PDE4D: variants seen among roughly 807,000 people sequenced by gnomAD.
PDE4D encodes 3',5'-cyclic-AMP phosphodiesterase 4D.
In PDE4D, 24 loss-of-function variants were observed where a neutral mutation model predicts 87.4. The observed-to-expected ratio is 0.27, with a 90% CI of 0.20 to 0.39. The LOEUF is 0.39. PDE4D is among the 10% of genes least tolerant of loss of function. The pLI is 1.00. For missense variants in PDE4D, 714 were observed against 1,041.0 expected, an observed-to-expected ratio of 0.69 and a Z score of 4.32; for synonymous variants, 384 against 383.2, an observed-to-expected ratio of 1.00 and a Z score of -0.02.
chr5:59,197,324 T>C (rs1223767283), intron 2 of PDE4D, among the ~76,000 whole-genome samples: 2 of 152,170 alleles, frequency 1.3e-5, no homozygotes, highest in Non-Finnish European at 2.9e-5. Flanking sequence ...TAAAGACAGT[T>C]ATCATTTTAG....
At chr5:59,562,708 A>T (rs765246588) in intron 1 of PDE4D, among the ~76,000 whole-genome samples, 1 of 152,228 alleles carries the variant, frequency 6.6e-6, no homozygotes, top group Non-Finnish European at 1.5e-5. Flanking sequence ...AATTCCTTAG[A>T]GTTTGTTTTT....
In PDE4D at chr5:60,049,689, G is replaced by A. The variant is rs140974941; in HGVS notation, c.43-60972C>T. On this transcript the variant is annotated intron_variant, in intron 2 of 16. Coordinates refer to the PDE4D transcript ENST00000502484. ...CAGTTAGGCTGCTCAGGGGTCAGGG[G>A]TCAGGGACCCATCTGAGGAGGCAGT... is the stretch of plus-strand genomic sequence containing the variant. Among the ~76,000 whole-genome samples, 30 of 152,334 alleles carry A rather than the reference G, an allele frequency of 2.0e-4. 1 individual carries two copies. In the South Asian group the frequency reaches 5.8e-3, roughly 29 times the overall value.
intron 1 of PDE4D, among the ~76,000 whole-genome samples, chr5:59,250,455 T>C (rs773052071): frequency 2.7e-5 from 4 of 147,938 alleles, no homozygotes; most frequent in Non-Finnish European, 5.9e-5. Context: ...ATTGAGCTAC[T>C]GCACTCCAGC....
At chr5:60,474,273 T>C (rs901795970) in intron 1 of PDE4D, among the ~76,000 whole-genome samples, 3 of 151,170 alleles carry the variant, frequency 2.0e-5, no homozygotes, top group African/African-American at 7.3e-5. Context: ...TCATACCTTA[T>C]AGACAGCACC....
At chr5:60,403,505 A>G (rs573662241) in intron 1 of PDE4D, among the ~76,000 whole-genome samples, 1 of 152,320 alleles carries the variant, frequency 6.6e-6, no homozygotes, top group African/African-American at 2.4e-5. Flanking sequence ...TTCAGTAGGG[A>G]CAGAAAAGAT....
rs185234174 is a variant in PDE4D at position 60,244,166 on chromosome 5, A to G, written c.-89-58479T>C. ...GCATTTCTAAATGCCAAGAGTGAACAATCTGAAAAAGAAATCAAGAAAGTA... is the reference window on the plus strand; with the variant it reads ...GCATTTCTAAATGCCAAGAGTGAACGATCTGAAAAAGAAATCAAGAAAGTA... On this transcript the variant is annotated intron_variant, in intron 1 of 16. Transcript: ENST00000502484. 6.2e-3 allele frequency among the ~76,000 whole-genome samples: 942 copies of G among 152,134 alleles called. 10 individuals are homozygous for G. Among genetic ancestry groups the G allele is most frequent in the African/African-American group, 0.022 (908 of 41,554 alleles).
intron 5 of PDE4D, among the ~76,000 whole-genome samples, chr5:59,092,605 A>G (rs1192429302): frequency 1.3e-5 from 2 of 152,188 alleles, no homozygotes; most frequent in Non-Finnish European, 2.9e-5. Context: ...AATTTGTAGG[A>G]GGCAAGATAG....
At chr5:59,473,507 A>G (rs1802803045) in intron 1 of PDE4D, among the ~76,000 whole-genome samples, 1 of 152,072 alleles carries the variant, frequency 6.6e-6, no homozygotes, top group South Asian at 2.1e-4. Flanking sequence ...ATAAAAAATG[A>G]TCAGGAAGAT....
At chr5:60,446,996 A>C (rs568335523) in intron 1 of PDE4D, among the ~76,000 whole-genome samples, 2 of 152,264 alleles carry the variant, frequency 1.3e-5, no homozygotes, top group Admixed American at 1.3e-4. Context: ...AATGATAAAG[A>C]TTGAAACAAG....
intron 1 of PDE4D, among the ~76,000 whole-genome samples, chr5:59,828,400 G>A (rs544016223): frequency 4.7e-4 from 71 of 152,162 alleles, no homozygotes; most frequent in African/African-American, 1.6e-3. Context: ...AAAAAGAAAT[G>A]TGAGGGTATA....
intron 6 of PDE4D, chr5:59,000,027 G>T: frequency 3.8e-6 from 2 of 529,804 alleles, no homozygotes; most frequent in Non-Finnish European, 4.8e-6. Flanking sequence ...AGGCGAGGGG[G>T]TGTGGCCTCG....
intron 9 of PDE4D, among the ~76,000 whole-genome samples, chr5:58,990,197 G>A (rs1039964861): frequency 1.3e-5 from 2 of 152,098 alleles, no homozygotes; most frequent in Non-Finnish European, 2.9e-5. Context: ...AAGTTTCTAT[G>A]TCCCATTATC....
At chr5:59,184,488 GT>G (rs543043430) in intron 4 of PDE4D, among the ~76,000 whole-genome samples, 16 of 150,958 alleles carry the variant, frequency 1.1e-4, no homozygotes, top group East Asian at 7.7e-4. Context: ...TGATTTAAAT[GT>G]TTTTTTTCCT....
chr5:60,097,906 A>G (rs570902104), intron 2 of PDE4D, among the ~76,000 whole-genome samples: 5 of 152,112 alleles, frequency 3.3e-5, no homozygotes, highest in Admixed American at 6.5e-5. Context: ...GGATAAAAAG[A>G]GACTGGAAAA....
chr5:59,163,425 C>T (rs1781453428), intron 5 of PDE4D, among the ~76,000 whole-genome samples: 1 of 152,084 alleles, frequency 6.6e-6, no homozygotes, highest in Non-Finnish European at 1.5e-5. Flanking sequence ...GCATGTGCCA[C>T]CACGCCTGGC....
chr5:59,421,742 G>A (rs1247672432), intron 1 of PDE4D, among the ~76,000 whole-genome samples: 1 of 152,062 alleles, frequency 6.6e-6, no homozygotes, highest in Non-Finnish European at 1.5e-5. Flanking sequence ...ACATTTGGAA[G>A]TTGCTGAAAG....
At chr5:60,018,703 A>G (rs1765756247) in intron 2 of PDE4D, among the ~76,000 whole-genome samples, 1 of 152,204 alleles carries the variant, frequency 6.6e-6, no homozygotes, top group African/African-American at 2.4e-5. Flanking sequence ...GTTTCTGACA[A>G]AACAGATTTT....
chr5:59,616,128 C>T (rs961070910), intron 1 of PDE4D, among the ~76,000 whole-genome samples: 2 of 151,906 alleles, frequency 1.3e-5, no homozygotes, highest in African/African-American at 2.4e-5. Context: ...CCTTCCCCCA[C>T]CCCACAACAG....
intron 1 of PDE4D, among the ~76,000 whole-genome samples, chr5:59,365,206 C>T (rs1220182399): frequency 6.6e-6 from 1 of 152,102 alleles, no homozygotes; most frequent in Non-Finnish European, 1.5e-5. Context: ...TGCCTGTAAT[C>T]CCAGCACTTT....
Sources: gnomAD v4.1 joint callset for allele counts (sites outside exome capture counted in the v4.1 genomes callset) on GRCh38, gnomAD v4.1.1 for gene constraint, MANE v1.5 for transcripts, NCBI Gene and HGNC (gene_info 2026-07-23, HGNC 2026-07-21) for gene names.